Variants in AOX1 observed in about 807,000 individuals in gnomAD.
AOX1 encodes the protein aldehyde oxidase.
In AOX1, 153 loss-of-function variants were observed where a neutral mutation model predicts 169.5. The ratio of observed to expected loss-of-function variants is 0.90; its 90% confidence interval spans 0.79 to 1.03. The LOEUF is 1.03. AOX1 is among the 50% of genes least tolerant of loss of function. The pLI is 0.00. For missense variants in AOX1, 1,656 were observed against 1,663.9 expected (o/e 1.00, Z 0.08); for synonymous variants, 562 against 581.9 (o/e 0.97, Z 0.49).
At chr2:200,619,333 C>T (rs2034833564) in intron 16 of AOX1, among the ~76,000 whole-genome samples, 1 of 152,168 alleles carries the variant, frequency 6.6e-6, no homozygotes, top group Non-Finnish European at 1.5e-5. Flanking sequence ...CATAGCTTTT[C>T]TCTGACCTCA....
rs756207060 is a variant in AOX1, at chr2:200,620,379, G to GT, written c.1705-262dup. Among the ~76,000 whole-genome samples the GT allele has an allele frequency of 6.6e-3, 854 of 129,092 alleles. 3 individuals are homozygous for GT. Among genetic ancestry groups the GT allele is most frequent in the Non-Finnish European group, 0.01 (602 of 58,842 alleles). 84.7% of individuals were successfully genotyped at this position (129,092 alleles called of 152,430 possible). ...GTACCTGGCTATTTTGTTTTGTTTT[G>GT]TTTTTTTTTAGTAGAGACGGGGTTT... On this transcript the variant is annotated intron_variant, in intron 16 of 34. Coordinates refer to ENST00000374700, the MANE Select transcript of AOX1 (RefSeq NM_001159.4).
intron 16 of AOX1, among the ~76,000 whole-genome samples, chr2:200,616,891 G>A (rs903932257): frequency 2.0e-5 from 3 of 152,168 alleles, no homozygotes; most frequent in South Asian, 2.1e-4. Context: ...GAACATTGAC[G>A]TTGGTGTGTA....
intron 12 of AOX1, among the ~76,000 whole-genome samples, chr2:200,609,760 G>A (rs2034596279): frequency 6.6e-6 from 1 of 152,326 alleles, no homozygotes; most frequent in South Asian, 2.1e-4. Context: ...TCTCCAGGTG[G>A]TACAGGAGTG....
chr2:200,671,818 A>G (rs1444331635), downstream of AOX1, among the ~76,000 whole-genome samples: 1 of 152,248 alleles, frequency 6.6e-6, no homozygotes, highest in Non-Finnish European at 1.5e-5. Context: ...TTAGGTATAT[A>G]CCCAAGAGAA....
At chr2:200,631,280 A>G (rs1339087511) in intron 20 of AOX1, among the ~76,000 whole-genome samples, 3 of 152,214 alleles carry the variant, frequency 2.0e-5, no homozygotes, top group Non-Finnish European at 4.4e-5. Flanking sequence ...TCCCAACTCC[A>G]AAGTTAGTAT....
At chr2:200,604,893 GAT>G in intron 9 of AOX1, 53 bp downstream of exon 9, 2 of 668,516 alleles carry the variant, frequency 3.0e-6, no homozygotes, top group Non-Finnish European at 5.3e-6. Context: ...AAGGGCTTGG[GAT>G]GGGGCCGGGG....
Position 200,659,168 on chromosome 2 carries a change from G to T in AOX1, c.3175G>T (p.Val1059Phe). 6 of 1,613,664 alleles carry T rather than the reference G, an allele frequency of 3.7e-6. No homozygotes were observed. Among genetic ancestry groups the T allele is most frequent in the Non-Finnish European group, 5.1e-6 (6 of 1,179,766 alleles). ...QGVHTKMIQVVSRELRMPMSN... is the reference protein window; with the variant it reads ...QGVHTKMIQVFSRELRMPMSN... ...GAAACTCTCTCTTAAAATTCAGGTG[G>T]TCAGCCGTGAATTAAGAATGCCAAT... Residue 1059 changes from valine to phenylalanine, a missense_variant, in exon 28 of 35, where the codon GTC (valine) becomes TTC (phenylalanine). Physicochemically the swap from Val to Phe is conservative, Grantham distance 50 (BLOSUM62 -1). Coordinates refer to ENST00000374700, the MANE Select transcript of AOX1 (RefSeq NM_001159.4).
intron 13 of AOX1, among the ~76,000 whole-genome samples, chr2:200,612,260 G>A (rs139047683): frequency 1.1e-3 from 170 of 152,178 alleles, no homozygotes; most frequent in African/African-American, 3.9e-3. Context: ...ATCCTTCTGC[G>A]CCTTGGATTC....
At chr2:200,603,921 CTGTATCTGACTG>C in intron 7 of AOX1, 84 bp from the exon 8 acceptor site, 1 of 819,800 alleles carries the variant, frequency 1.2e-6, no homozygotes, top group Admixed American at 2.1e-5. Flanking sequence ...TGTCGGTTTG[CTGTATCTGACTG>C]TGTATCTATA....
intron 12 of AOX1, 140 bp from the exon 13 acceptor site, chr2:200,611,244 G>T (rs1410719414): frequency 1.5e-6 from 1 of 664,486 alleles, no homozygotes. Flanking sequence ...TAGGGTAAAA[G>T]ATTTGCGAAG....
chr2:200,619,752 T>C (rs189083031), intron 16 of AOX1, among the ~76,000 whole-genome samples: 23 of 152,346 alleles, frequency 1.5e-4, no homozygotes, highest in Non-Finnish European at 2.1e-4. Flanking sequence ...ATTACTCCAA[T>C]TGCAGGTCCC....
At chr2:200,649,192 C>T (rs530625133) in intron 25 of AOX1, among the ~76,000 whole-genome samples, 3 of 151,916 alleles carry the variant, frequency 2.0e-5, no homozygotes, top group African/African-American at 4.8e-5. Context: ...TCTGGTCCCC[C>T]GCCCCCTCCG....
At chr2:200,613,027 T>TGTGTGTGTGTGTGTGAGA (rs112472592) in intron 14 of AOX1, among the ~76,000 whole-genome samples, 27 of 146,118 alleles carry the variant, frequency 1.8e-4, no homozygotes, top group Non-Finnish European at 2.7e-4. Context: ...TGTGTGTGTG[T>TGTGTGTGTGTGTGTGAGA]GAGAGAGAGA....
At chr2:200,641,280 T>C (rs2035347541) in intron 24 of AOX1, 96 bp downstream of exon 24, 4 of 848,480 alleles carry the variant, frequency 4.7e-6, no homozygotes, top group Non-Finnish European at 7.6e-6. Context: ...AATATTTGAT[T>C]ATAAAGGTAT....
chr2:200,657,190 A>ATATATATATATATATTTTTTTT, intron 27 of AOX1, among the ~76,000 whole-genome samples: 90 of 62,832 alleles, frequency 1.4e-3, no homozygotes, highest in Non-Finnish European at 1.8e-3. Flanking sequence ...ATATATATAT[A>ATATATATATATATATTTTTTTT]TTTTTTTTTT....
At chr2:200,653,571 A>T (rs774293727) in intron 26 of AOX1, among the ~76,000 whole-genome samples, 1 of 152,204 alleles carries the variant, frequency 6.6e-6, no homozygotes, top group Non-Finnish European at 1.5e-5. Flanking sequence ...CAGAACAAGG[A>T]TTCAACTTCA....
At chr2:200,668,892 A>AT (rs2035974787) in intron 33 of AOX1, 89 bp downstream of exon 33, 1 of 1,140,294 alleles carries the variant, frequency 8.8e-7, no homozygotes, top group South Asian at 1.5e-5. Context: ...GCTGTTTGGG[A>AT]TTTTTACCAG....
chr2:200,605,571 G>T lies in AOX1; in HGVS notation c.850G>T (p.Val284Phe). 1 of 1,562,278 alleles carries T rather than the reference G, an allele frequency of 6.4e-7. No individual in the cohort carries two copies. The highest frequency in any genetic ancestry group is 8.7e-7 in the Non-Finnish European group (1 of 1,155,250). ...EVKFKGVFHP[V>F]IISPDRIEEL... Reference sequence around the variant, plus strand: ...GAAATTTAAAGGCGTCTTTCACCCAGTTATAATTTCTCCTGATAGAATTGA... The same window carrying T: ...GAAATTTAAAGGCGTCTTTCACCCATTTATAATTTCTCCTGATAGAATTGA... The change falls in exon 10 of 35, where the codon GTT becomes TTT. Residue 284 changes from valine (V) to phenylalanine (F), a missense_variant. Transcript: ENST00000374700.
At chr2:200,627,550 T>A (rs1295872301) in intron 20 of AOX1, 101 bp downstream of exon 20, 1 of 806,794 alleles carries the variant, frequency 1.2e-6, no homozygotes, top group African/African-American at 1.7e-5. Context: ...CCTAGGGGGG[T>A]GTTGCTCCTC....
Sources: gnomAD v4.1 joint callset for allele counts (sites outside exome capture counted in the v4.1 genomes callset) on GRCh38, gnomAD v4.1.1 for gene constraint, MANE v1.5 for transcripts, NCBI Gene and HGNC (gene_info 2026-07-23, HGNC 2026-07-21) for gene names.